Variants in BRD2 observed in about 807,000 individuals in gnomAD.
BRD2 encodes the protein bromodomain containing 2.
BRD2 carries 15 observed loss-of-function variants against 79.1 expected under a neutral mutation model. That is an observed-to-expected ratio of 0.19 (90% CI 0.13 to 0.29). BRD2 has a LOEUF of 0.29. Ranked by LOEUF, BRD2 falls within the 10% of genes least tolerant of loss-of-function variation. BRD2 has a pLI of 1.00. For synonymous variants in BRD2, 488 were observed against 358.6 expected (o/e 1.36, Z -4.08); for missense variants, 1,053 against 991.3 (o/e 1.06, Z -0.84).
chr6:32,969,208 G>C lies in BRD2; in HGVS notation c.-1305+152G>C, dbSNP rs974361025. ...TTTTACAGCCAATGGGAGCGTGGAG[G>C]GGGGGCGAGCGGGAGAGGGCCATGG... On this transcript the variant is annotated intron_variant, in intron 1 of 12. Coordinates refer to ENST00000374825, the MANE Select transcript of BRD2 (RefSeq NM_005104.4). 5 of 572,362 alleles carry C rather than the reference G, an allele frequency of 8.7e-6. No homozygotes were observed. The Admixed American group carries it at 1.1e-4, about 13-fold the overall frequency. 35.5% of individuals were successfully genotyped at this position (572,362 alleles called of 1,614,324 possible). A position where few individuals can be genotyped will look rare whatever the true frequency, so the allele number is the denominator to read the frequency against.
Position 32,968,963 on chromosome 6 carries a change from T to G in BRD2, c.-1398T>G. On this transcript the variant is annotated 5_prime_UTR_variant, in exon 1 of 13. Transcript: ENST00000374825. ...CTACGCCCCCTCCCCCAGCACGGCT[T>G]CGTTTTCTGGGGGGGGGTTGACACC... 1 of 162,452 alleles carries G rather than the reference T, an allele frequency of 6.2e-6. No individual in the cohort carries two copies. The highest frequency in any genetic ancestry group is 1.3e-5 in the Non-Finnish European group (1 of 75,042). The allele number at this position is 162,452 out of a possible 1,614,324, so 10.1% of individuals were successfully genotyped here. A position where few individuals can be genotyped will look rare whatever the true frequency, so the allele number is the denominator to read the frequency against.
chr6:32,970,098 T>C (rs1253028177), intron 1 of BRD2: 1 of 152,322 alleles, frequency 6.6e-6, no homozygotes. Context: ...TAAGGCCTAG[T>C]ATTTTCTCAG....
At position 32,976,415 on chromosome 6, in the gene BRD2, C is replaced by A. The variant is rs1275013874; in HGVS notation, c.776C>A (p.Pro259His). The change falls in exon 6 of 13, where the codon CCC (proline) becomes CAC (histidine). Residue 259 changes from proline (P) to histidine (H), a missense_variant. By Grantham distance (77) the Pro-to-His change is moderately conservative (BLOSUM62 -2). Around this residue, in one of 5 missense-constraint regions of BRD2, gnomAD observed 413 missense variants for 335.1 expected, o/e 1.23. Transcript: ENST00000374825. ...PLLKSLHSAGPPLLAVTAAPP... is the reference protein window; with the variant it reads ...PLLKSLHSAGHPLLAVTAAPP... ...CTCAAGTCCTTGCACTCTGCTGGACCCCCGCTCCTTGCTGTTACTGCAGCT... is the reference window on the plus strand; with the variant it reads ...CTCAAGTCCTTGCACTCTGCTGGACACCCGCTCCTTGCTGTTACTGCAGCT... The A allele has an allele frequency of 1.2e-6, 2 of 1,612,348 alleles. No homozygotes were observed. The highest frequency in any genetic ancestry group is 1.7e-6 in the Non-Finnish European group (2 of 1,180,044).
intron 10 of BRD2, chr6:32,979,064 TG>T (rs199541777): frequency 0.11 from 14,458 of 137,116 alleles, 1,162 homozygotes; most frequent in Non-Finnish European, 0.14. Flanking sequence ...TTTGTTAGTT[TG>T]TTTTTTGTTT....
Position 32,979,822 on chromosome 6 carries a change from C to T in BRD2, c.1842-6C>T. ...TTCTTTTGCTGACAACTCTTTTTGCCCTTAGGCTCCCCAAAAAGGCCACAA... is the reference window on the plus strand; with the variant it reads ...TTCTTTTGCTGACAACTCTTTTTGCTCTTAGGCTCCCCAAAAAGGCCACAA... On this transcript the variant is annotated splice_region_variant and splice_polypyrimidine_tract_variant and intron_variant, in intron 10 of 12. Coordinates refer to ENST00000374825, the MANE Select transcript of BRD2 (RefSeq NM_005104.4). The T allele has an allele frequency of 6.2e-7, 1 of 1,607,902 alleles. No individual in the cohort carries two copies. The highest frequency in any genetic ancestry group is 1.1e-5 in the South Asian group (1 of 90,646).
intron 2 of BRD2, chr6:32,973,181 C>G (rs1208380680): frequency 1.3e-6 from 2 of 1,534,316 alleles, no homozygotes; most frequent in East Asian, 2.5e-5. Context: ...TTAACCGAGT[C>G]AGGCAGAGCT....
In BRD2 at chr6:32,976,477, G is replaced by A. The variant is rs1242242849; in HGVS notation, c.825+13G>A. On this transcript the variant is annotated intron_variant, in intron 6 of 12. Transcript: ENST00000374825. ...GCCCCTTGCCAAGGTATGATCTGTG[G>A]ATTTCCTCTGGGCAGCAGGGAGGCA... 1.2e-6 allele frequency: 2 copies of A among 1,606,760 alleles called. No individual in the cohort carries two copies. Among genetic ancestry groups the A allele is most frequent in the Admixed American group, 3.3e-5 (2 of 59,968 alleles).
In BRD2 at chr6:32,972,188, G is replaced by T. The variant is rs942427054; in HGVS notation, c.-711G>T. ...CCTATATATAAAGGGCTGGCGCGGG[G>T]CTCGGCGGCGCCATTTCGTGCTGGA... On this transcript the variant is annotated 5_prime_UTR_variant, in exon 2 of 13. Transcript: ENST00000374825. The T allele has an allele frequency of 7.2e-6, 4 of 559,242 alleles. No homozygotes were observed. The Admixed American group carries it at 8.7e-5, about 12-fold the overall frequency. 34.6% of individuals were successfully genotyped at this position (559,242 alleles called of 1,614,324 possible). A position where few individuals can be genotyped will look rare whatever the true frequency, so the allele number is the denominator to read the frequency against.
chr6:32,973,856 C>G (rs944614753), intron 2 of BRD2, among the ~76,000 whole-genome samples: 1 of 152,048 alleles, frequency 6.6e-6, no homozygotes, highest in Non-Finnish European at 1.5e-5. Context: ...CAAATTCTTC[C>G]TTGTCTGAAT....
At chr6:32,973,997 C>T (rs1398758169) in intron 2 of BRD2, among the ~76,000 whole-genome samples, 3 of 152,140 alleles carry the variant, frequency 2.0e-5, no homozygotes, top group Non-Finnish European at 4.4e-5. Context: ...GTCTTATCAG[C>T]ATTTTATGGA....
In BRD2 at chr6:32,976,177, G is replaced by A. The variant is rs763766947; in HGVS notation, c.610+8G>A. 4.4e-6 allele frequency: 7 copies of A among 1,606,088 alleles called. No individual in the cohort carries two copies. Among genetic ancestry groups the A allele is most frequent in the Non-Finnish European group, 2.5e-6 (3 of 1,177,890 alleles). On this transcript the variant is annotated splice_region_variant and intron_variant, in intron 5 of 12. Coordinates refer to ENST00000374825, the MANE Select transcript of BRD2 (RefSeq NM_005104.4). ...AGGGGGCCAAGTTGGCAGGTAGGAA[G>A]AGTGGGAGTTTTGCAAATGGACAAC...
chr6:32,979,717 A>C lies in BRD2; in HGVS notation c.1842-111A>C, dbSNP rs568312096. The C allele has an allele frequency of 1.8e-3, 2,435 of 1,318,492 alleles. 66 individuals carry two copies. In the South Asian group the frequency reaches 0.031, roughly 17 times the overall value. 81.7% of individuals were successfully genotyped at this position (1,318,492 alleles called of 1,614,324 possible). A position where few individuals can be genotyped will look rare whatever the true frequency, so the allele number is the denominator to read the frequency against. On this transcript the variant is annotated intron_variant, in intron 10 of 12. Transcript: ENST00000374825. Reference sequence around the variant, plus strand: ...CCTCTTACTTGGCCATTGAATGGAAAAACAGAAGCTCCACTCTGGGCAGGA... The same window carrying C: ...CCTCTTACTTGGCCATTGAATGGAACAACAGAAGCTCCACTCTGGGCAGGA...
chr6:32,978,565 C>A, intron 10 of BRD2, 177 bp downstream of exon 10: 2 of 1,037,628 alleles, frequency 1.9e-6, no homozygotes, highest in Non-Finnish European at 2.7e-6. Flanking sequence ...GATTTTACCA[C>A]AGACAGGGTT....
chr6:32,980,002 G>A lies in BRD2; in HGVS notation c.2016G>A (p.Arg672=). The change falls in exon 11 of 13, where the codon AGG becomes AGA. Residue 672 remains arginine (R), a synonymous_variant. Coordinates refer to ENST00000374825, the MANE Select transcript of BRD2 (RefSeq NM_005104.4). Reference sequence around the variant, plus strand: ...GAGTTGTGCATATAATCCAAGCCAGGGAGCCCTCTTTACGTGATTCAAACC... The same window carrying A: ...GAGTTGTGCATATAATCCAAGCCAGAGAGCCCTCTTTACGTGATTCAAACC... ...LGRVVHIIQA[R]EPSLRDSNPE... 6.2e-7 allele frequency: 1 copy of A among 1,613,088 alleles called. No individual in the cohort carries two copies.
At position 32,976,094 on chromosome 6, in the gene BRD2, T is replaced by A; in HGVS notation, c.535T>A (p.Ser179Thr). 2 of 1,612,960 alleles carry A rather than the reference T, an allele frequency of 1.2e-6. No homozygotes were observed. The highest frequency in any genetic ancestry group is 1.7e-6 in the Non-Finnish European group (2 of 1,180,000). ...LEKIFLQKVA[S>T]MPQEEQELVV... is the part of the protein sequence containing the mutation. ...AAAGATATTCCTACAGAAGGTTGCA[T>A]CAATGCCACAAGAAGAACAAGAGCT... Residue 179 changes from serine (S) to threonine (T), a missense_variant, in exon 5 of 13, where the codon TCA becomes ACA. Physicochemically the swap from Ser to Thr is moderately conservative, Grantham distance 58 (BLOSUM62 1). Transcript: ENST00000374825.
In BRD2 at chr6:32,975,170, G is replaced by C. The variant is rs1445392175; in HGVS notation, c.334-214G>C. 3 of 1,400,252 alleles carry C rather than the reference G, an allele frequency of 2.1e-6. No homozygotes were observed. In the African/African-American group the frequency reaches 4.3e-5, roughly 20 times the overall value. 86.7% of individuals were successfully genotyped at this position (1,400,252 alleles called of 1,614,324 possible). ...GGTGGGAGGTGGGTGGTTAGAGAAA[G>C]GCAGCAGGGGCCTCCCTGTGGATGT... On this transcript the variant is annotated intron_variant, in intron 3 of 12. Coordinates refer to ENST00000374825, the MANE Select transcript of BRD2 (RefSeq NM_005104.4).
At chr6:32,975,547 G>A in intron 4 of BRD2, 26 bp downstream of exon 4, 4 of 1,609,368 alleles carry the variant, frequency 2.5e-6, no homozygotes, top group Non-Finnish European at 3.4e-6. Context: ...TGTTCATTTA[G>A]TAGGTGGGGA....
At position 32,976,834 on chromosome 6, in the gene BRD2, T is replaced by A. The variant is rs772420950; in HGVS notation, c.1098T>A (p.Ala366=). 6.2e-7 allele frequency: 1 copy of A among 1,613,062 alleles called. No individual in the cohort carries two copies. Among genetic ancestry groups the A allele is most frequent in the Admixed American group, 1.7e-5 (1 of 60,010 alleles). Residue 366 remains alanine (A), a synonymous_variant, in exon 7 of 13, where the codon GCT becomes GCA. Transcript: ENST00000374825. ...AGGAGTTACTCTCTAAGAAGCATGC[T>A]GCCTATGCTTGGCCTTTCTATAAAC... The part of the protein sequence containing the change: ...ILKELLSKKH[A]AYAWPFYKPV...
rs927578765 is a variant in BRD2 at position 32,972,481 on chromosome 6, A to G, written c.-418A>G. 8.4e-5 allele frequency: 25 copies of G among 296,956 alleles called. No individual in the cohort carries two copies. The highest frequency in any genetic ancestry group is 5.2e-4 in the African/African-American group (23 of 44,300). The allele number at this position is 296,956 out of a possible 1,614,324, so 18.4% of individuals were successfully genotyped here. A position where few individuals can be genotyped will look rare whatever the true frequency, so the allele number is the denominator to read the frequency against. On this transcript the variant is annotated 5_prime_UTR_variant, in exon 2 of 13. Coordinates refer to ENST00000374825, the MANE Select transcript of BRD2 (RefSeq NM_005104.4). ...GATGGAGGCGGCGGCTCCCTAAACC[A>G]CTTTTCGTGTTCATCCGCCTCCATC... is the stretch of plus-strand genomic sequence containing the variant.
Sources: allele counts gnomAD v4.1 joint callset (sites outside exome capture counted in the v4.1 genomes callset), GRCh38; gene constraint gnomAD v4.1.1; regional missense constraint gnomAD v4.1.1; transcripts MANE v1.5; gene names NCBI Gene and HGNC (gene_info 2026-07-23, HGNC 2026-07-21).